The following SND1 variants were observed in gnomAD, a reference collection of about 807,000 sequenced individuals.
SND1 encodes the protein staphylococcal nuclease domain-containing protein 1.
SND1 carries 38 observed loss-of-function variants against 121.7 expected under a neutral mutation model. The observed-to-expected ratio is 0.31, with a 90% CI of 0.24 to 0.41. SND1 has a LOEUF of 0.41. Ranked by LOEUF, SND1 falls within the 10% of genes least tolerant of loss-of-function variation. The pLI is 1.00. For missense variants in SND1, 868 were observed against 1,184.6 expected (o/e 0.73, Z 3.92); for synonymous variants, 401 against 447.4 (o/e 0.90, Z 1.31).
At chr7:127,921,791 C>G (rs1207917856) in intron 14 of SND1, among the ~76,000 whole-genome samples, 5 of 152,144 alleles carry the variant, frequency 3.3e-5, no homozygotes. Context: ...TATAGTTTAA[C>G]CTTTGTCAGA....
At chr7:128,057,511 T>C (rs1793162316) in intron 16 of SND1, among the ~76,000 whole-genome samples, 2 of 152,242 alleles carry the variant, frequency 1.3e-5, no homozygotes, top group Non-Finnish European at 2.9e-5. Flanking sequence ...TTCATTCTCC[T>C]GCTCAGCATT....
At chr7:128,068,308 C>T (rs2117042912) in intron 16 of SND1, among the ~76,000 whole-genome samples, 1 of 149,772 alleles carries the variant, frequency 6.7e-6, no homozygotes, top group East Asian at 2.0e-4. Flanking sequence ...AATCTGAAGT[C>T]TAATTGCAGA....
At chr7:127,857,647 A>G (rs1011871323) in intron 12 of SND1, among the ~76,000 whole-genome samples, 1 of 151,956 alleles carries the variant, frequency 6.6e-6, no homozygotes, top group Non-Finnish European at 1.5e-5. Flanking sequence ...CTCAGGGACC[A>G]AGGCGAGTCC....
At chr7:127,975,675 A>G (rs565610277) in intron 15 of SND1, among the ~76,000 whole-genome samples, 3 of 152,318 alleles carry the variant, frequency 2.0e-5, no homozygotes, top group South Asian at 4.1e-4. Context: ...CAAAGGGAGC[A>G]GAGCAGGCAG....
At chr7:127,988,800 A>G (rs750021169) in intron 15 of SND1, among the ~76,000 whole-genome samples, 1 of 152,160 alleles carries the variant, frequency 6.6e-6, no homozygotes, top group Non-Finnish European at 1.5e-5. Flanking sequence ...TCCCCAGTTC[A>G]TAGCAGCCCC....
chr7:127,702,324 T>C (rs1171182023), intron 5 of SND1, 111 bp from the exon 6 acceptor site: 2 of 901,140 alleles, frequency 2.2e-6, no homozygotes, highest in Non-Finnish European at 3.6e-6. Flanking sequence ...GAGGGAGGCT[T>C]TCTCAGGGTT....
chr7:127,925,425 G>T (rs1800808440), intron 14 of SND1, among the ~76,000 whole-genome samples: 1 of 152,068 alleles, frequency 6.6e-6, no homozygotes, highest in Non-Finnish European at 1.5e-5. Flanking sequence ...TAGAATCCCA[G>T]ACCTTATGTA....
rs1802987581 is a variant in SND1 at position 128,006,798 on chromosome 7, CTGG to C, written c.1779+15743_1779+15745del. Among the ~76,000 whole-genome samples, 7 of 152,316 alleles carry C rather than the reference CTGG, an allele frequency of 4.6e-5. No individual in the cohort carries two copies. The South Asian group carries it at 1.4e-3, about 32-fold the overall frequency. On this transcript the variant is annotated intron_variant, in intron 16 of 23. Transcript: ENST00000354725. ...AGAGAGGCTGCATTTGGAGGGCTAC[CTGG>C]AAGAGAACCCTGCTCAGCCACTTAC...
intron 12 of SND1, among the ~76,000 whole-genome samples, chr7:127,859,426 A>G (rs1453297257): frequency 6.6e-6 from 1 of 152,206 alleles, no homozygotes; most frequent in African/African-American, 2.4e-5. Context: ...TGTGACCTAA[A>G]TAGAACCAAT....
intron 16 of SND1, among the ~76,000 whole-genome samples, chr7:128,050,419 G>C (rs941701888): frequency 6.6e-6 from 1 of 152,198 alleles, no homozygotes. Context: ...CATTGAGTCT[G>C]ATACTGAGAA....
intron 16 of SND1, among the ~76,000 whole-genome samples, chr7:128,066,646 C>G (rs1452069539): frequency 6.6e-6 from 1 of 152,200 alleles, no homozygotes; most frequent in Non-Finnish European, 1.5e-5. Flanking sequence ...TTCATCATCT[C>G]TGAAAGAAGT....
Position 127,963,655 on chromosome 7 carries a change from G to A in SND1, c.1670-27292G>A, listed in dbSNP as rs561336327. ...CATTTTCTTAATCCAGTCTATCATT[G>A]TTGGACATTTGGGTTGGTTCCAAGT... On this transcript the variant is annotated intron_variant, in intron 15 of 23. Transcript: ENST00000354725. Among the ~76,000 whole-genome samples the A allele has an allele frequency of 1.2e-3, 51 of 42,222 alleles. 1 individual carries two copies. The highest frequency in any genetic ancestry group is 1.4e-3 in the Non-Finnish European group (31 of 21,814). The allele number at this position is 42,222 out of a possible 152,430, so 27.7% of individuals were successfully genotyped here. A position where few individuals can be genotyped will look rare whatever the true frequency, so the allele number is the denominator to read the frequency against.
At chr7:127,689,463 G>C (rs1311834051) in intron 2 of SND1, among the ~76,000 whole-genome samples, 1 of 152,156 alleles carries the variant, frequency 6.6e-6, no homozygotes, top group East Asian at 1.9e-4. Flanking sequence ...AAGAAGGGTT[G>C]GATTTTAATT....
chr7:127,707,691 A>C (rs1389984846), intron 9 of SND1, 44 bp downstream of exon 9: 10 of 1,490,858 alleles, frequency 6.7e-6, no homozygotes, highest in Non-Finnish European at 8.4e-6. Flanking sequence ...GGACATTGCC[A>C]GGCGAGTAAT....
intron 15 of SND1, among the ~76,000 whole-genome samples, chr7:127,943,099 G>A (rs757213979): frequency 5.9e-5 from 9 of 152,102 alleles, no homozygotes; most frequent in Non-Finnish European, 1.3e-4. Flanking sequence ...TGGTAGCTTT[G>A]GTTCCTTCAA....
At chr7:128,062,145 A>C (rs1029007718) in intron 16 of SND1, among the ~76,000 whole-genome samples, 1 of 152,230 alleles carries the variant, frequency 6.6e-6, no homozygotes, top group African/African-American at 2.4e-5. Flanking sequence ...AGTGTAGGTT[A>C]ACGGGGCTGC....
intron 14 of SND1, among the ~76,000 whole-genome samples, chr7:127,924,878 T>C (rs751137872): frequency 6.6e-6 from 1 of 152,204 alleles, no homozygotes; most frequent in Non-Finnish European, 1.5e-5. Context: ...TTGGAAGAGA[T>C]GTAGCCTGAC....
chr7:127,886,957 T>C (rs1196707080), intron 12 of SND1, among the ~76,000 whole-genome samples: 1 of 151,760 alleles, frequency 6.6e-6, no homozygotes. Context: ...AAACTGGTCA[T>C]CTCAGATTTT....
chr7:127,941,966 C>T (rs901690272), intron 15 of SND1, among the ~76,000 whole-genome samples: 2 of 141,502 alleles, frequency 1.4e-5, no homozygotes, highest in African/African-American at 5.3e-5. Context: ...GAAGTGCTAA[C>T]GACAGACCAG....
Sources: allele counts gnomAD v4.1 joint callset (sites outside exome capture counted in the v4.1 genomes callset), GRCh38; gene constraint gnomAD v4.1.1; transcripts MANE v1.5; gene names NCBI Gene and HGNC (gene_info 2026-07-23, HGNC 2026-07-21).